NEK1: variants seen among roughly 807,000 people sequenced by gnomAD.
NEK1 encodes serine/threonine-protein kinase Nek1.
NEK1 carries 137 observed loss-of-function variants against 182.1 expected under a neutral mutation model. The ratio of observed to expected loss-of-function variants is 0.75; its 90% CI spans 0.65 to 0.87. NEK1 has a LOEUF of 0.87. NEK1 is among the 40% of genes least tolerant of loss of function. The probability of loss-of-function intolerance (pLI) is 0.00; values close to 1 mark genes in which losing one functional copy is unlikely to be tolerated. For missense variants in NEK1, 1,391 were observed against 1,494.4 expected (o/e 0.93, Z 1.14); for synonymous variants, 513 against 492.2 (o/e 1.04, Z -0.56).
chr4:169,496,872 T>A (rs1342898800), intron 23 of NEK1, among the ~76,000 whole-genome samples: 1 of 152,170 alleles, frequency 6.6e-6, no homozygotes, highest in East Asian at 1.9e-4. Context: ...TCTCTTTTTT[T>A]GTTGTGTCTC....
chr4:169,497,872 G>C (rs1751651926), intron 23 of NEK1, among the ~76,000 whole-genome samples: 1 of 152,222 alleles, frequency 6.6e-6, no homozygotes. Flanking sequence ...TGAAAAGAAT[G>C]TATATTCTGT....
Position 169,479,450 on chromosome 4 carries a change from T to C in NEK1, c.2092A>G (p.Met698Val), listed in dbSNP as rs765327328. 3.7e-6 allele frequency: 6 copies of C among 1,612,484 alleles called. No homozygotes were observed. The South Asian group carries it at 5.5e-5, about 15-fold the overall frequency. Reference protein sequence around the residue: ...ETGGSPSKQQMRSVISVTSAL... With the variant: ...ETGGSPSKQQVRSVISVTSAL... ...GAAGTTACAGAAATAACAGATCTCA[T>C]CTGTTGCTTTGATGGAGAGCCACCT... Residue 698 changes from methionine (M) to valine (V), a missense_variant, in exon 24 of 36, where the codon ATG (methionine) becomes GTG (valine). By Grantham distance (21) the Met-to-Val change is conservative. Transcript: ENST00000507142.
chr4:169,580,261 C>A (rs561348193), intron 11 of NEK1, among the ~76,000 whole-genome samples: 40 of 152,128 alleles, frequency 2.6e-4, no homozygotes, highest in Non-Finnish European at 5.1e-4. Flanking sequence ...CTTTGGGAGG[C>A]CGAGGCGGGT....
chr4:169,534,369 A>G (rs746527207), intron 19 of NEK1, among the ~76,000 whole-genome samples: 1 of 152,212 alleles, frequency 6.6e-6, no homozygotes, highest in African/African-American at 2.4e-5. Flanking sequence ...AGGTAACCAA[A>G]CAGAGCTTGG....
chr4:169,404,766 T>C lies in NEK1; in HGVS notation c.3374+1830A>G, dbSNP rs922534436. Among the ~76,000 whole-genome samples, 7 of 131,432 alleles carry C rather than the reference T, an allele frequency of 5.3e-5. No individual in the cohort carries two copies. In the East Asian group the frequency reaches 1.8e-3, roughly 34 times the overall value. 86.2% of individuals were successfully genotyped at this position (131,432 alleles called of 152,430 possible). ...CAAGGTAAAGGAAGGTTCTTTTTGT[T>C]TTTTTATGGAAAAAAATTTTTTTTT... On this transcript the variant is annotated intron_variant, in intron 32 of 35. Transcript: ENST00000507142.
At chr4:169,575,925 T>C (rs893480673) in intron 12 of NEK1, among the ~76,000 whole-genome samples, 22 of 152,080 alleles carry the variant, frequency 1.4e-4, no homozygotes, top group African/African-American at 4.8e-4. Context: ...AAAAATTTTT[T>C]TACAATCTCT....
intron 10 of NEK1, 137 bp from the exon 11 acceptor site, chr4:169,581,039 T>TAA (rs34236215): frequency 0.024 from 3,090 of 130,444 alleles, 36 homozygotes; most frequent in African/African-American, 0.034. Context: ...ACCAAGTTGT[T>TAA]AAAAAAAAAA....
At chr4:169,457,209 T>C (rs1400423616) in intron 27 of NEK1, among the ~76,000 whole-genome samples, 1 of 152,108 alleles carries the variant, frequency 6.6e-6, no homozygotes, top group Non-Finnish European at 1.5e-5. Flanking sequence ...ATAACTAAAA[T>C]AGTAGAATTG....
intron 18 of NEK1, among the ~76,000 whole-genome samples, chr4:169,543,336 T>C (rs952438143): frequency 2.0e-5 from 3 of 152,150 alleles, no homozygotes; most frequent in African/African-American, 7.2e-5. Flanking sequence ...TTCTGTTCCA[T>C]TGGTCTATAT....
chr4:169,392,872 A>T lies in NEK1; in HGVS notation c.*1638T>A, dbSNP rs942880824. ...TCCACATGTCAATTCCAACACTTAT[A>T]ATAGACCTTACTGAAAAATAGCCCT... is the stretch of plus-strand genomic sequence containing the variant. On this transcript the variant is annotated 3_prime_UTR_variant, in exon 36 of 36. Transcript: ENST00000507142. The T allele has an allele frequency of 4.6e-5, 7 of 152,358 alleles. No individual in the cohort carries two copies. The highest frequency in any genetic ancestry group is 1.3e-4 in the Admixed American group (2 of 15,308). 9.4% of individuals were successfully genotyped at this position (152,358 alleles called of 1,614,324 possible). A position where few individuals can be genotyped will look rare whatever the true frequency, so the allele number is the denominator to read the frequency against.
chr4:169,539,749 T>C (rs953524776), intron 18 of NEK1, among the ~76,000 whole-genome samples: 17 of 152,104 alleles, frequency 1.1e-4, no homozygotes, highest in Non-Finnish European at 2.4e-4. Context: ...TAAGGCACTT[T>C]TGGGGGGTCC....
chr4:169,557,005 C>T (rs1261147168), intron 16 of NEK1, among the ~76,000 whole-genome samples: 1 of 152,008 alleles, frequency 6.6e-6, no homozygotes, highest in Admixed American at 6.6e-5. Flanking sequence ...ATGCTATCTG[C>T]CCTTGGTGTT....
intron 23 of NEK1, among the ~76,000 whole-genome samples, chr4:169,492,798 G>A (rs1268112426): frequency 1.3e-5 from 2 of 152,116 alleles, no homozygotes; most frequent in African/African-American, 4.8e-5. Flanking sequence ...CCCACAGATT[G>A]AACACTTGGC....
At chr4:169,449,023 G>T (rs1181255016) in intron 27 of NEK1, among the ~76,000 whole-genome samples, 1 of 152,236 alleles carries the variant, frequency 6.6e-6, no homozygotes, top group Non-Finnish European at 1.5e-5. Flanking sequence ...TGGCTCGGCA[G>T]GTCCCACGCC....
At chr4:169,447,514 T>C (rs1433237407) in intron 27 of NEK1, among the ~76,000 whole-genome samples, 1 of 152,042 alleles carries the variant, frequency 6.6e-6, no homozygotes, top group African/African-American at 2.4e-5. Flanking sequence ...AAACACAGAA[T>C]ATTAGAACAC....
At chr4:169,578,418 T>C (rs2150041139) in intron 11 of NEK1, among the ~76,000 whole-genome samples, 1 of 152,280 alleles carries the variant, frequency 6.6e-6, no homozygotes, top group Middle Eastern at 3.4e-3. Context: ...CTAAATCAAT[T>C]TAAATCAATC....
intron 19 of NEK1, among the ~76,000 whole-genome samples, chr4:169,522,518 C>T (rs943069616): frequency 6.6e-6 from 1 of 152,200 alleles, no homozygotes; most frequent in Non-Finnish European, 1.5e-5. Flanking sequence ...GGCTTCTAGC[C>T]TACTTTTGTG....
At chr4:169,464,502 A>G (rs1744564474) in intron 26 of NEK1, among the ~76,000 whole-genome samples, 1 of 152,044 alleles carries the variant, frequency 6.6e-6, no homozygotes, top group East Asian at 1.9e-4. Context: ...GTGTACCTTC[A>G]CTTTGACTTT....
chr4:169,602,696 G>C lies in NEK1; in HGVS notation c.-48-18C>G. The C allele has an allele frequency of 1.2e-6, 1 of 835,400 alleles. No individual in the cohort carries two copies. Among genetic ancestry groups the C allele is most frequent in the Non-Finnish European group, 2.0e-6 (1 of 497,396 alleles). 51.7% of individuals were successfully genotyped at this position (835,400 alleles called of 1,614,324 possible). On this transcript the variant is annotated intron_variant, in intron 2 of 35. Coordinates refer to ENST00000507142, the MANE Select transcript of NEK1 (RefSeq NM_001199397.3). The stretch of plus-strand genomic sequence containing the variant: ...TTAAAAAACTAACAAAAAAGATAAA[G>C]CATTTATAACATGAGATAAAACATT...
Sources: gnomAD v4.1 joint callset for allele counts (sites outside exome capture counted in the v4.1 genomes callset) on GRCh38, gnomAD v4.1.1 for gene constraint, MANE v1.5 for transcripts, NCBI Gene and HGNC (gene_info 2026-07-23, HGNC 2026-07-21) for gene names.